HCRTR2: variants seen among roughly 807,000 people sequenced by gnomAD.
HCRTR2 encodes the protein hypocretin receptor 2.
HCRTR2 carries 22 observed loss-of-function variants against 49.0 expected under a neutral mutation model. The observed-to-expected ratio is 0.45, with a 90% CI of 0.32 to 0.64. The LOEUF is 0.64. HCRTR2 is among the 30% of genes least tolerant of loss of function. The pLI is 0.04. For missense variants in HCRTR2, 491 were observed against 559.4 expected (o/e 0.88, Z 1.23); for synonymous variants, 236 against 205.3 (o/e 1.15, Z -1.28).
In HCRTR2 at chr6:55,282,544, G is replaced by C. The variant is rs1767213943; in HGVS notation, c.*90G>C. 2.7e-6 allele frequency: 2 copies of C among 727,616 alleles called. No individual in the cohort carries two copies. The highest frequency in any genetic ancestry group is 4.7e-6 in the Non-Finnish European group (2 of 425,360). The allele number at this position is 727,616 out of a possible 1,614,324, so 45.1% of individuals were successfully genotyped here. On this transcript the variant is annotated 3_prime_UTR_variant, in exon 7 of 7. Coordinates refer to ENST00000370862, the MANE Select transcript of HCRTR2 (RefSeq NM_001384272.1). Reference sequence around the variant, plus strand: ...AAATTTTATTATCCTATGATGTGAAGCTAAAATTACTTGTGGATCTTTTTT... The same window carrying C: ...AAATTTTATTATCCTATGATGTGAACCTAAAATTACTTGTGGATCTTTTTT...
chr6:55,158,862 G>T (rs766549375), intron 1 of HCRTR2, among the ~76,000 whole-genome samples: 11 of 152,336 alleles, frequency 7.2e-5, no homozygotes, highest in Non-Finnish European at 1.5e-4. Context: ...GGGGAAAGGG[G>T]CAGCTGTGGG....
intron 2 of HCRTR2, 122 bp from the exon 3 acceptor site, chr6:55,255,014 A>G (rs747630337): frequency 1.9e-5 from 20 of 1,052,300 alleles, no homozygotes; most frequent in Non-Finnish European, 2.8e-5. Context: ...TGGATTGTTT[A>G]TTTTTGGCAG....
chr6:55,211,540 T>G (rs1263644636), intron 1 of HCRTR2, among the ~76,000 whole-genome samples: 1 of 152,202 alleles, frequency 6.6e-6, no homozygotes, highest in Non-Finnish European at 1.5e-5. Flanking sequence ...AGGGGTTATA[T>G]GCTACTTATC....
chr6:55,280,187 T>A, intron 5 of HCRTR2, 136 bp from the exon 6 acceptor site: 1 of 649,664 alleles, frequency 1.5e-6, no homozygotes, highest in Non-Finnish European at 2.8e-6. Context: ...AAACCAATTA[T>A]GGGGTCAGAA....
intron 1 of HCRTR2, among the ~76,000 whole-genome samples, chr6:55,177,175 A>G (rs773597942): frequency 2.0e-5 from 3 of 152,210 alleles, no homozygotes; most frequent in Admixed American, 6.5e-5. Context: ...CCAAGTGCTG[A>G]AATGGCCAAT....
chr6:55,108,367 G>A (rs949209749), intron 1 of HCRTR2, among the ~76,000 whole-genome samples: 1 of 152,002 alleles, frequency 6.6e-6, no homozygotes, highest in Non-Finnish European at 1.5e-5. Context: ...AGAATTCACA[G>A]ACCCTTTGAA....
intron 1 of HCRTR2, among the ~76,000 whole-genome samples, chr6:55,160,478 A>C (rs1248972175): frequency 6.6e-6 from 1 of 152,224 alleles, no homozygotes; most frequent in East Asian, 1.9e-4. Flanking sequence ...TCAAATTCAC[A>C]CATAACGATA....
intron 1 of HCRTR2, among the ~76,000 whole-genome samples, chr6:55,228,713 G>A (rs975483679): frequency 6.6e-6 from 1 of 152,028 alleles, no homozygotes; most frequent in Non-Finnish European, 1.5e-5. Flanking sequence ...AATTTCTTAG[G>A]CAATTAGTAA....
chr6:55,200,034 C>A (rs933994179), intron 1 of HCRTR2, among the ~76,000 whole-genome samples: 7 of 152,110 alleles, frequency 4.6e-5, no homozygotes, highest in Non-Finnish European at 1.0e-4. Flanking sequence ...CCACTTACTG[C>A]CCAAGTAAAT....
intron 1 of HCRTR2, among the ~76,000 whole-genome samples, chr6:55,182,500 CG>C (rs1422931609): frequency 2.0e-5 from 3 of 152,148 alleles, no homozygotes; most frequent in Admixed American, 2.0e-4. Flanking sequence ...AGAGGAAATA[CG>C]GTCTGTTAAC....
At chr6:55,244,770 C>T (rs1766398862) in intron 1 of HCRTR2, among the ~76,000 whole-genome samples, 1 of 152,040 alleles carries the variant, frequency 6.6e-6, no homozygotes, top group Admixed American at 6.6e-5. Context: ...ACTAGGTTTT[C>T]TTCCAGGGTT....
At chr6:55,116,565 T>TAAA in intron 1 of HCRTR2, among the ~76,000 whole-genome samples, 1 of 151,540 alleles carries the variant, frequency 6.6e-6, no homozygotes, top group East Asian at 1.9e-4. Flanking sequence ...AATTTGTGGT[T>TAAA]AAAATTAAAA....
chr6:55,181,070 T>A (rs1468956101), intron 1 of HCRTR2, among the ~76,000 whole-genome samples: 1 of 151,764 alleles, frequency 6.6e-6, no homozygotes, highest in East Asian at 1.9e-4. Flanking sequence ...CCTCCCAAAA[T>A]GCTGGGATTG....
At chr6:55,142,897 T>C (rs941827260) in intron 1 of HCRTR2, among the ~76,000 whole-genome samples, 1 of 151,972 alleles carries the variant, frequency 6.6e-6, no homozygotes, top group African/African-American at 2.4e-5. Flanking sequence ...TTTTGAATTG[T>C]ACATATTTCT....
At chr6:55,200,495 G>A (rs1374814635) in intron 1 of HCRTR2, among the ~76,000 whole-genome samples, 1 of 152,108 alleles carries the variant, frequency 6.6e-6, no homozygotes, top group South Asian at 2.1e-4. Flanking sequence ...TTTTTGAAAA[G>A]ACTTTTTCCT....
chr6:55,117,243 G>A (rs1184943290), intron 1 of HCRTR2, among the ~76,000 whole-genome samples: 2 of 151,734 alleles, frequency 1.3e-5, no homozygotes, highest in African/African-American at 4.8e-5. Flanking sequence ...CAAATACCTT[G>A]CTATATTAGA....
intron 1 of HCRTR2, among the ~76,000 whole-genome samples, chr6:55,236,377 G>A (rs577371742): frequency 1.6e-4 from 25 of 151,756 alleles, no homozygotes; most frequent in African/African-American, 6.0e-4. Flanking sequence ...GTTACATATT[G>A]TTTTATATTC....
chr6:55,108,389 G>T (rs1183595867), intron 1 of HCRTR2, among the ~76,000 whole-genome samples: 3 of 152,062 alleles, frequency 2.0e-5, no homozygotes, highest in Non-Finnish European at 4.4e-5. Flanking sequence ...GAAGCAGCTT[G>T]TTGCTGCAAA....
chr6:55,177,501 T>G (rs893962085), intron 1 of HCRTR2, among the ~76,000 whole-genome samples: 2 of 152,172 alleles, frequency 1.3e-5, no homozygotes, highest in African/African-American at 4.8e-5. Flanking sequence ...GGATGTCACA[T>G]GATTTATGCA....
Sources: allele counts gnomAD v4.1 joint callset (sites outside exome capture counted in the v4.1 genomes callset), GRCh38; gene constraint gnomAD v4.1.1; transcripts MANE v1.5; gene names NCBI Gene and HGNC (gene_info 2026-07-23, HGNC 2026-07-21).